HOXA3: variants seen among roughly 807,000 people sequenced by gnomAD.
HOXA3 encodes homeobox A3.
In HOXA3, 8 loss-of-function variants were observed where a neutral mutation model predicts 30.3. That is an observed-to-expected ratio of 0.26 (90% CI 0.15 to 0.48). The LOEUF is 0.48. Ranked by LOEUF, HOXA3 falls within the 20% of genes least tolerant of loss-of-function variation. The probability of loss-of-function intolerance (pLI) is 0.99; values close to 1 mark genes in which losing one functional copy is unlikely to be tolerated. For synonymous variants in HOXA3, 323 were observed against 273.1 expected (o/e 1.18, Z -1.80); for missense variants, 653 against 614.4 (o/e 1.06, Z -0.66).
intron 1 of HOXA3, chr7:27,151,398 C>T (rs1782968030): frequency 2.9e-6 from 1 of 342,538 alleles, no homozygotes; most frequent in Non-Finnish European, 5.8e-6. Context: ...AGTGCGGTCG[C>T]CAGTCCGTTG....
intron 2 of HOXA3, among the ~76,000 whole-genome samples, chr7:27,136,737 ATAT>A (rs1419375597): frequency 1.1e-4 from 16 of 152,206 alleles, no homozygotes; most frequent in African/African-American, 3.6e-4. Context: ...TTCATAACAA[ATAT>A]TATTATTGAA....
chr7:27,120,658 G>T (rs924035859), intron 4 of HOXA3, among the ~76,000 whole-genome samples: 1 of 151,920 alleles, frequency 6.6e-6, no homozygotes. Flanking sequence ...GCCTCCAAAC[G>T]GCTGCTAACA....
At chr7:27,133,761 G>A (rs17500785) in intron 2 of HOXA3, among the ~76,000 whole-genome samples, 65 of 152,308 alleles carry the variant, frequency 4.3e-4, no homozygotes, top group African/African-American at 1.5e-3. Flanking sequence ...CCTCTTGAAT[G>A]CAACCCTGTC....
At chr7:27,129,877 C>A (rs899774921) in intron 2 of HOXA3, 1 of 607,290 alleles carries the variant, frequency 1.6e-6, no homozygotes, top group Non-Finnish European at 2.9e-6. Flanking sequence ...ATAATTACTG[C>A]CCTAACAGTT....
chr7:27,149,617 A>T (rs1290971586), intron 1 of HOXA3, among the ~76,000 whole-genome samples: 1 of 152,226 alleles, frequency 6.6e-6, no homozygotes, highest in Non-Finnish European at 1.5e-5. Flanking sequence ...TCCCCAGTCG[A>T]TCCGTCCTGG....
At chr7:27,125,131 T>C (rs1374002716) in intron 3 of HOXA3, among the ~76,000 whole-genome samples, 4 of 152,244 alleles carry the variant, frequency 2.6e-5, no homozygotes, top group Non-Finnish European at 5.9e-5. Flanking sequence ...CCTCCATTCC[T>C]GGCAGAATAT....
At position 27,148,540 on chromosome 7, in the gene HOXA3, A is replaced by G. The variant is rs1204493568; in HGVS notation, c.-494+3748T>C. On this transcript the variant is annotated intron_variant, in intron 1 of 5. Coordinates refer to ENST00000612286, the MANE Select transcript of HOXA3 (RefSeq NM_153631.3). ...CCACCCATTCCCTCCTCCCACATAC[A>G]CATCCTGTTTGAGTCCCAAGGGGCT... 5.9e-5 allele frequency among the ~76,000 whole-genome samples: 9 copies of G among 152,134 alleles called. No individual in the cohort carries two copies. The East Asian group carries it at 1.4e-3, about 23-fold the overall frequency.
At chr7:27,148,386 G>A (rs893838121) in intron 1 of HOXA3, among the ~76,000 whole-genome samples, 1 of 152,238 alleles carries the variant, frequency 6.6e-6, no homozygotes, top group African/African-American at 2.4e-5. Flanking sequence ...CTCTTCACTC[G>A]TGCGCCTTAG....
chr7:27,130,264 C>A, intron 2 of HOXA3: 4 of 1,184,066 alleles, frequency 3.4e-6, no homozygotes, highest in Non-Finnish European at 4.2e-6. Context: ...GGCCGCCTCG[C>A]AGCGCCGCGG....
chr7:27,118,655 T>A (rs1784856039), intron 4 of HOXA3, among the ~76,000 whole-genome samples: 1 of 152,320 alleles, frequency 6.6e-6, no homozygotes, highest in South Asian at 2.1e-4. Flanking sequence ...GTTACAGCAA[T>A]GCTATTCACA....
chr7:27,129,287 T>C (rs758166896), intron 2 of HOXA3: 2 of 1,613,864 alleles, frequency 1.2e-6, no homozygotes, highest in African/African-American at 1.3e-5. Context: ...AGGTGTGGGC[T>C]CTGAGTTTGT....
rs1247136179 is a variant in HOXA3, at chr7:27,108,494, C to T, written c.753G>A (p.Lys251=). ...NRRMKYKKDQ[K]GKGMLTSSGG... is the part of the protein sequence containing the mutation. ...CCGATGACGTTAGCATGCCCTTGCC[C>T]TTCTGATCCTTTTTGTACTTCATGC... Residue 251 remains lysine, a synonymous_variant, in exon 6 of 6, where the codon AAG becomes AAA. Coordinates refer to ENST00000612286, the MANE Select transcript of HOXA3 (RefSeq NM_153631.3). This position sits in a 1 kb window ranked among gnomAD's most constrained non-coding sequence, Gnocchi z 5.0. 2.5e-6 allele frequency: 4 copies of T among 1,614,112 alleles called. No homozygotes were observed. The highest frequency in any genetic ancestry group is 3.4e-6 in the Non-Finnish European group (4 of 1,179,996).
Position 27,107,862 on chromosome 7 carries a change from GA to G in HOXA3, c.*52del. 2 of 771,612 alleles carry G rather than the reference GA, an allele frequency of 2.6e-6. No individual in the cohort carries two copies. The highest frequency in any genetic ancestry group is 1.9e-6 in the Non-Finnish European group (1 of 539,426). The allele number at this position is 771,612 out of a possible 1,614,324, so 47.8% of individuals were successfully genotyped here. ...AAAAAAAAAAAAAAAAGCAACCAAA[GA>G]AAAAAGGTGGGTGGGGGGAGACTCT... On this transcript the variant is annotated 3_prime_UTR_variant, in exon 6 of 6. Coordinates refer to ENST00000612286, the MANE Select transcript of HOXA3 (RefSeq NM_153631.3).
chr7:27,134,379 C>T (rs1231811836), intron 2 of HOXA3: 1 of 152,156 alleles, frequency 6.6e-6, no homozygotes, highest in Non-Finnish European at 1.5e-5. Context: ...GGTTCAAAAT[C>T]CTCCAGATAA....
chr7:27,138,223 A>T (rs1472357385), intron 2 of HOXA3, among the ~76,000 whole-genome samples: 1 of 152,154 alleles, frequency 6.6e-6, no homozygotes, highest in East Asian at 1.9e-4. Flanking sequence ...ACACACAATG[A>T]CTTCAGGATT....
At chr7:27,135,759 A>G (rs1785692639) in intron 2 of HOXA3, among the ~76,000 whole-genome samples, 2 of 152,310 alleles carry the variant, frequency 1.3e-5, no homozygotes, top group South Asian at 2.1e-4. Context: ...AACTTGTGAC[A>G]TTAGTTTTTA....
At chr7:27,151,395 T>A (rs760040190) in intron 1 of HOXA3, 2 of 339,160 alleles carry the variant, frequency 5.9e-6, no homozygotes, top group Non-Finnish European at 1.2e-5. Context: ...GGGAGTGCGG[T>A]CGCCAGTCCG....
At chr7:27,125,312 C>T (rs938987067) in intron 3 of HOXA3, among the ~76,000 whole-genome samples, 1 of 152,344 alleles carries the variant, frequency 6.6e-6, no homozygotes, top group Admixed American at 6.5e-5. Flanking sequence ...GCCTCCAGGT[C>T]TCCTTCACTT....
intron 1 of HOXA3, chr7:27,147,014 CCTCT>C (rs938116188): frequency 2.1e-5 from 10 of 476,440 alleles, no homozygotes; most frequent in South Asian, 7.2e-5. Context: ...TCCCCACCAG[CCTCT>C]CTCTCTCTTC....
Sources: gnomAD v4.1 joint callset for allele counts (sites outside exome capture counted in the v4.1 genomes callset) on GRCh38, gnomAD v4.1.1 for gene constraint, Gnocchi (gnomAD v3.1) non-coding constraint, MANE v1.5 for transcripts, NCBI Gene and HGNC (gene_info 2026-07-23, HGNC 2026-07-21) for gene names.